MACROH2A2: variants seen among roughly 807,000 people sequenced by gnomAD.
MACROH2A2 encodes macroH2A.2 histone.
In MACROH2A2, 6 loss-of-function variants were observed where a neutral mutation model predicts 37.6. The ratio of observed to expected loss-of-function variants is 0.16; its 90% CI spans 0.09 to 0.32. The LOEUF is 0.32. Ranked by LOEUF, MACROH2A2 falls within the 10% of genes least tolerant of loss-of-function variation. The pLI is 1.00. For missense variants in MACROH2A2, 290 were observed against 485.9 expected, an observed-to-expected ratio of 0.60 and a Z score of 3.79; for synonymous variants, 192 against 202.7, an observed-to-expected ratio of 0.95 and a Z score of 0.45.
chr10:70,069,165 T>C (rs897308406), intron 1 of MACROH2A2, among the ~76,000 whole-genome samples: 5 of 152,212 alleles, frequency 3.3e-5, no homozygotes, highest in Non-Finnish European at 4.4e-5. Context: ...AAATCTAACC[T>C]GTCGGTGTTG....
intron 2 of MACROH2A2, among the ~76,000 whole-genome samples, chr10:70,076,246 C>G (rs185791405): frequency 1.3e-5 from 2 of 152,178 alleles, no homozygotes; most frequent in Admixed American, 1.3e-4. Flanking sequence ...ATTAGTTTTC[C>G]TGGTATATTT....
At position 70,075,382 on chromosome 10, in the gene MACROH2A2, C is replaced by T. The variant is rs1003107577; in HGVS notation, c.-59-218C>T. Among the ~76,000 whole-genome samples, 4 of 152,160 alleles carry T rather than the reference C, an allele frequency of 2.6e-5. No homozygotes were observed. Among genetic ancestry groups the T allele is most frequent in the African/African-American group, 9.7e-5 (4 of 41,432 alleles). ...TGTGGCCTTTCCTCTTGAGGTCAGG[C>T]TGCTTTGGTGGGGGAGGGATGTTTG... On this transcript the variant is annotated intron_variant, in intron 1 of 8. Coordinates refer to ENST00000373255, the MANE Select transcript of MACROH2A2 (RefSeq NM_018649.3). This position sits in a 1 kb window ranked among gnomAD's most constrained non-coding sequence, Gnocchi z 5.0.
At chr10:70,088,175 GCA>G (rs1210292969) in intron 2 of MACROH2A2, among the ~76,000 whole-genome samples, 1 of 120,096 alleles carries the variant, frequency 8.3e-6, no homozygotes, top group Non-Finnish European at 1.8e-5. Flanking sequence ...GCACACACAC[GCA>G]CACATATGCC....
rs1408641869 is a variant in MACROH2A2 at position 70,053,665 on chromosome 10, G to A, written c.-60+665G>A. 2.6e-5 allele frequency among the ~76,000 whole-genome samples: 4 copies of A among 151,058 alleles called. No homozygotes were observed. ...GGACACCCGGGCGCCGCGGGCGGGC[G>A]TGCGCCCCGGGGCCGGCGCGGAAGA... is the stretch of plus-strand genomic sequence containing the variant. On this transcript the variant is annotated intron_variant, in intron 1 of 8. Transcript: ENST00000373255. This position sits in a 1 kb window ranked among gnomAD's most constrained non-coding sequence, Gnocchi z 4.8.
Position 70,062,656 on chromosome 10 carries a change from T to G in MACROH2A2, c.-60+9656T>G, listed in dbSNP as rs374320715. ...CCTTTGTCAAGGTGATTCATCGGTG[T>G]GACCGAACCCCACCTGTGACACCCT... On this transcript the variant is annotated intron_variant, in intron 1 of 8. Transcript: ENST00000373255. Among the ~76,000 whole-genome samples, 20 of 152,344 alleles carry G rather than the reference T, an allele frequency of 1.3e-4. No homozygotes were observed. In the East Asian group the frequency reaches 3.1e-3, roughly 23 times the overall value.
chr10:70,055,939 A>G (rs931160502), intron 1 of MACROH2A2, among the ~76,000 whole-genome samples: 4 of 152,236 alleles, frequency 2.6e-5, no homozygotes, highest in Non-Finnish European at 5.9e-5. Context: ...AATATTAGGC[A>G]GCAGTTCAAA....
At chr10:70,079,727 T>C (rs953639910) in intron 2 of MACROH2A2, among the ~76,000 whole-genome samples, 3 of 152,068 alleles carry the variant, frequency 2.0e-5, no homozygotes, top group Non-Finnish European at 4.4e-5. Flanking sequence ...TGTTTTAGTG[T>C]CACTTTGTGA....
intron 2 of MACROH2A2, among the ~76,000 whole-genome samples, chr10:70,079,559 GCGCGCGCA>G (rs1267670295): frequency 9.8e-6 from 1 of 102,488 alleles, no homozygotes; most frequent in Admixed American, 9.7e-5. Context: ...GTTCGCGCGC[GCGCGCGCA>G]CACACACACA....
At position 70,053,525 on chromosome 10, in the gene MACROH2A2, G is replaced by T. The variant is rs1312449543; in HGVS notation, c.-60+525G>T. Among the ~76,000 whole-genome samples, 2 of 151,846 alleles carry T rather than the reference G, an allele frequency of 1.3e-5. No individual in the cohort carries two copies. Among genetic ancestry groups the T allele is most frequent in the Non-Finnish European group, 2.9e-5 (2 of 67,918 alleles). ...CCGGCGGCTCCAGGCTGACAATGGA[G>T]GGGGCGCGGAGCAGCCGGGCGGAGG... is the stretch of plus-strand genomic sequence containing the variant. On this transcript the variant is annotated intron_variant, in intron 1 of 8. Coordinates refer to ENST00000373255, the MANE Select transcript of MACROH2A2 (RefSeq NM_018649.3). This position sits in a 1 kb window ranked among gnomAD's most constrained non-coding sequence, Gnocchi z 4.8.
At chr10:70,063,927 G>A (rs905386013) in intron 1 of MACROH2A2, among the ~76,000 whole-genome samples, 6 of 152,196 alleles carry the variant, frequency 3.9e-5, no homozygotes, top group East Asian at 1.9e-4. Flanking sequence ...GGTGGGGAGC[G>A]TGATAAGTGG....
At chr10:70,110,602 G>A (rs2072365744) in intron 8 of MACROH2A2, among the ~76,000 whole-genome samples, 1 of 152,274 alleles carries the variant, frequency 6.6e-6, no homozygotes, top group African/African-American at 2.4e-5. Context: ...CAAATATAGG[G>A]AGCTGGCACG....
At chr10:70,094,794 A>C (rs2072264979) in intron 5 of MACROH2A2, among the ~76,000 whole-genome samples, 1 of 152,250 alleles carries the variant, frequency 6.6e-6, no homozygotes, top group South Asian at 2.1e-4. Context: ...ATAGGATAGC[A>C]ATTCCCAATG....
chr10:70,058,714 C>T (rs564653631), intron 1 of MACROH2A2, among the ~76,000 whole-genome samples: 251 of 152,090 alleles, frequency 1.7e-3, no homozygotes, highest in African/African-American at 5.6e-3. Context: ...CTCAATAAGA[C>T]CATTAAAATT....
At chr10:70,088,571 T>G (rs887675861) in intron 2 of MACROH2A2, among the ~76,000 whole-genome samples, 1 of 152,272 alleles carries the variant, frequency 6.6e-6, no homozygotes, top group South Asian at 2.1e-4. Context: ...GGAAAATTTC[T>G]TCTTATCAAT....
At chr10:70,057,785 A>T (rs1478824259) in intron 1 of MACROH2A2, among the ~76,000 whole-genome samples, 2 of 152,234 alleles carry the variant, frequency 1.3e-5, no homozygotes, top group East Asian at 3.8e-4. Context: ...GTTAATGTTT[A>T]TTAAATGTCT....
chr10:70,059,533 G>A (rs2072038961), intron 1 of MACROH2A2, among the ~76,000 whole-genome samples: 1 of 151,970 alleles, frequency 6.6e-6, no homozygotes, highest in African/African-American at 2.4e-5. Context: ...ACCACACCTG[G>A]CTAATTTTTG....
rs1241555194 is a variant in MACROH2A2 at position 70,053,788 on chromosome 10, C to T, written c.-60+788C>T. ...CCGGGAAATGGCGGCCCGGCCGTGGCTCGCCTGGGCAGTCTGGCTCCCGCT... is the reference window on the plus strand; with the variant it reads ...CCGGGAAATGGCGGCCCGGCCGTGGTTCGCCTGGGCAGTCTGGCTCCCGCT... On this transcript the variant is annotated intron_variant, in intron 1 of 8. Coordinates refer to ENST00000373255, the MANE Select transcript of MACROH2A2 (RefSeq NM_018649.3). This position sits in a 1 kb window ranked among gnomAD's most constrained non-coding sequence, Gnocchi z 4.8. 6.6e-6 allele frequency among the ~76,000 whole-genome samples: 1 copy of T among 152,048 alleles called. No homozygotes were observed. Among genetic ancestry groups the T allele is most frequent in the Non-Finnish European group, 1.5e-5 (1 of 67,986 alleles).
intron 2 of MACROH2A2, among the ~76,000 whole-genome samples, chr10:70,083,940 A>G (rs2072195886): frequency 6.6e-6 from 1 of 152,006 alleles, no homozygotes; most frequent in African/African-American, 2.4e-5. Context: ...CAAATTCTGC[A>G]GTAGCGTTTT....
At chr10:70,055,005 C>T (rs1266778380) in intron 1 of MACROH2A2, among the ~76,000 whole-genome samples, 1 of 152,166 alleles carries the variant, frequency 6.6e-6, no homozygotes, top group Non-Finnish European at 1.5e-5. Context: ...TCCTTGAATC[C>T]GGAGTGTCCC....
Sources: allele counts gnomAD v4.1 joint callset (sites outside exome capture counted in the v4.1 genomes callset), GRCh38; gene constraint gnomAD v4.1.1; non-coding constraint Gnocchi (gnomAD v3.1); transcripts MANE v1.5; gene names NCBI Gene and HGNC (gene_info 2026-07-23, HGNC 2026-07-21).